The following RBPJ variants were observed in gnomAD, a reference collection of about 807,000 sequenced individuals.
RBPJ encodes the protein recombination signal binding protein for immunoglobulin kappa J region.
RBPJ carries 9 observed loss-of-function variants against 67.8 expected under a neutral mutation model. That is an observed-to-expected ratio of 0.13 (90% CI 0.08 to 0.23). The LOEUF (loss-of-function observed/expected upper bound fraction) is 0.23, where lower values mean the gene tolerates loss of function less well. Ranked by LOEUF, RBPJ falls within the 10% of genes least tolerant of loss-of-function variation. The pLI, the probability that RBPJ is intolerant of heterozygous loss-of-function variation, is 1.00. For synonymous variants in RBPJ, 198 were observed against 203.3 expected (o/e 0.97, Z 0.22); for missense variants, 305 against 595.6 (o/e 0.51, Z 5.08).
intron 1 of RBPJ, among the ~76,000 whole-genome samples, chr4:26,350,109 A>C (rs1726645301): frequency 6.6e-6 from 1 of 152,186 alleles, no homozygotes; most frequent in Non-Finnish European, 1.5e-5. Flanking sequence ...ATAAATTTTA[A>C]CTGTGAAATG....
chr4:26,365,263 A>G (rs879258748), intron 1 of RBPJ, among the ~76,000 whole-genome samples: 5 of 152,002 alleles, frequency 3.3e-5, no homozygotes, highest in East Asian at 1.9e-4. Flanking sequence ...CTTCTATGCT[A>G]TTCCTAGAGT....
At chr4:26,124,459 T>TATATATATATATATAC in the RBPJ span, among the ~76,000 whole-genome samples, 1 of 119,002 alleles carries the variant, frequency 8.4e-6, no homozygotes, top group African/African-American at 3.1e-5. Context: ...TATATATATA[T>TATATATATATATATAC]ATACCAGTTT....
At chr4:26,411,224 A>T (rs544913212) in intron 3 of RBPJ, among the ~76,000 whole-genome samples, 1 of 152,332 alleles carries the variant, frequency 6.6e-6, no homozygotes, top group African/African-American at 2.4e-5. Flanking sequence ...CAGCCTGGGC[A>T]ACATAGTGAA....
chr4:26,252,345 C>T (rs1292917855), intron 1 of RBPJ, among the ~76,000 whole-genome samples: 1 of 152,050 alleles, frequency 6.6e-6, no homozygotes, highest in Non-Finnish European at 1.5e-5. Flanking sequence ...CATGTAGTCC[C>T]AGCACTTTGG....
At chr4:26,381,086 TG>T (rs1730279976) in intron 1 of RBPJ, among the ~76,000 whole-genome samples, 1 of 150,754 alleles carries the variant, frequency 6.6e-6, no homozygotes, top group Non-Finnish European at 1.5e-5. Flanking sequence ...AGTTTTTTCT[TG>T]TTTTTTTTTT....
the RBPJ span, among the ~76,000 whole-genome samples, chr4:26,128,351 CAAAG>C: frequency 1.3e-5 from 2 of 152,254 alleles, no homozygotes; most frequent in Middle Eastern, 3.4e-3. Flanking sequence ...ACACCTACAA[CAAAG>C]AAAAAGACAT....
chr4:26,316,534 T>TATATATTCATGTATATATTC (rs1553861008), upstream of RBPJ, among the ~76,000 whole-genome samples: 14 of 110,564 alleles, frequency 1.3e-4, 1 homozygote, highest in South Asian at 7.9e-4. Context: ...TATATATTCA[T>TATATATTCATGTATATATTC]ATATATATTC....
In RBPJ at chr4:26,309,833, T is replaced by C. The variant is rs116467065; in HGVS notation, c.-166-52613T>C. 4.3e-3 allele frequency among the ~76,000 whole-genome samples: 661 copies of C among 152,354 alleles called. 6 individuals are homozygous for C. Among genetic ancestry groups the C allele is most frequent in the African/African-American group, 0.015 (616 of 41,574 alleles). Reference sequence around the variant, plus strand: ...GGTAGTGTTAACTGGCTTTAACTTGTTCATGTTATAAAAAGAACAAATCTA... The same window carrying C: ...GGTAGTGTTAACTGGCTTTAACTTGCTCATGTTATAAAAAGAACAAATCTA... On this transcript the variant is annotated intron_variant, in intron 1 of 4. Coordinates refer to the RBPJ transcript ENST00000512351.
chr4:26,118,746 G>A, the RBPJ span, among the ~76,000 whole-genome samples: 1 of 152,150 alleles, frequency 6.6e-6, no homozygotes, highest in African/African-American at 2.4e-5. Flanking sequence ...GTCAAAATAA[G>A]CTCACAATTT....
At chr4:26,187,267 T>C (rs1226667439) in intron 1 of RBPJ, among the ~76,000 whole-genome samples, 2 of 152,188 alleles carry the variant, frequency 1.3e-5, no homozygotes, top group Non-Finnish European at 2.9e-5. Context: ...GCTTTTTCTT[T>C]TACGGTCAGA....
chr4:26,348,226 G>A (rs1361374406), intron 1 of RBPJ, among the ~76,000 whole-genome samples: 1 of 152,160 alleles, frequency 6.6e-6, no homozygotes, highest in Non-Finnish European at 1.5e-5. Context: ...CTCCCAAAGT[G>A]TTGGGATTAC....
At chr4:26,273,387 G>A (rs368332651) in intron 1 of RBPJ, among the ~76,000 whole-genome samples, 2 of 152,202 alleles carry the variant, frequency 1.3e-5, no homozygotes, top group African/African-American at 2.4e-5. Context: ...TTTTTTCCAA[G>A]CTCCCAGTTT....
intron 1 of RBPJ, among the ~76,000 whole-genome samples, chr4:26,215,409 A>AGGAAGGAAGGGAGGGAGGGGG (rs1560214919): frequency 1.8e-4 from 2 of 11,082 alleles, no homozygotes; most frequent in African/African-American, 1.5e-3. Context: ...AAGGGGGGGG[A>AGGAAGGAAGGGAGGGAGGGGG]AGGAAGGAAG....
rs1256879753 is a variant in RBPJ at position 26,255,352 on chromosome 4, C to G, written c.-167+91738C>G. Among the ~76,000 whole-genome samples the G allele has an allele frequency of 1.4e-4, 15 of 106,012 alleles. 1 individual carries two copies. The highest frequency in any genetic ancestry group is 1.9e-4 in the African/African-American group (4 of 20,828). The allele number at this position is 106,012 out of a possible 152,430, so 69.5% of individuals were successfully genotyped here. On this transcript the variant is annotated intron_variant, in intron 1 of 4. Coordinates refer to the RBPJ transcript ENST00000512351. ...CCAGGAGGCGGAGCTTGCAGTGAGC[C>G]GAGATCGCGCCACCGCACTCCAGCC...
At chr4:26,228,727 C>T (rs1275485399) in intron 1 of RBPJ, among the ~76,000 whole-genome samples, 2 of 152,212 alleles carry the variant, frequency 1.3e-5, no homozygotes, top group Non-Finnish European at 2.9e-5. Flanking sequence ...CTGGAGCTAG[C>T]TAGCAGTGGA....
intron 1 of RBPJ, among the ~76,000 whole-genome samples, chr4:26,366,903 A>G (rs1394482507): frequency 1.3e-5 from 2 of 151,740 alleles, no homozygotes; most frequent in Non-Finnish European, 2.9e-5. Flanking sequence ...AGGCAGGTGG[A>G]TCACAAGGTC....
chr4:26,234,723 C>G (rs545411174), intron 1 of RBPJ, among the ~76,000 whole-genome samples: 1 of 151,910 alleles, frequency 6.6e-6, no homozygotes, highest in Non-Finnish European at 1.5e-5. Context: ...GATAGAGTCT[C>G]GCTCTGTCAC....
chr4:26,435,096 A>G (rs1577689468), downstream of RBPJ: 1 of 152,172 alleles, frequency 6.6e-6, no homozygotes, highest in East Asian at 1.9e-4. Flanking sequence ...TTTTAACTAT[A>G]TAGTGCTTTA....
chr4:26,418,171 T>C (rs1464798161), intron 4 of RBPJ, among the ~76,000 whole-genome samples: 9 of 152,234 alleles, frequency 5.9e-5, no homozygotes, highest in Non-Finnish European at 1.3e-4. Flanking sequence ...TTCTTCTTTC[T>C]TTCAGGGAAA....
Sources: gnomAD v4.1 joint callset for allele counts (sites outside exome capture counted in the v4.1 genomes callset) on GRCh38, gnomAD v4.1.1 for gene constraint, MANE v1.5 for transcripts, NCBI Gene and HGNC (gene_info 2026-07-23, HGNC 2026-07-21) for gene names.